The following KIF1A variants were observed in gnomAD, a reference collection of about 807,000 sequenced individuals.
KIF1A encodes the protein kinesin-like protein KIF1A.
Under a neutral mutation model 227.3 loss-of-function variants are expected in KIF1A, and 46 were observed. The ratio of observed to expected loss-of-function variants is 0.20; its 90% CI spans 0.16 to 0.26. KIF1A has a LOEUF of 0.26. KIF1A is among the 10% of genes least tolerant of loss of function. KIF1A has a pLI of 1.00. For missense variants in KIF1A, 1,683 were observed against 2,485.9 expected, an observed-to-expected ratio of 0.68 and a Z score of 6.87; for synonymous variants, 1,022 against 1,012.8, an observed-to-expected ratio of 1.01 and a Z score of -0.17.
At chr2:240,749,109 G>C (rs1350815164) in intron 28 of KIF1A, among the ~76,000 whole-genome samples, 2 of 149,586 alleles carry the variant, frequency 1.3e-5, no homozygotes, top group African/African-American at 5.0e-5. Flanking sequence ...CCTGGCGACA[G>C]AGCAAGACTT....
intron 37 of KIF1A, among the ~76,000 whole-genome samples, chr2:240,738,222 C>T (rs998157276): frequency 1.3e-5 from 2 of 152,222 alleles, no homozygotes; most frequent in African/African-American, 4.8e-5. Context: ...TGACCAAGTA[C>T]CTGGCCCACA....
intron 14 of KIF1A, 44 bp from the exon 15 acceptor site, chr2:240,771,148 G>A (rs558858825): frequency 1.9e-6 from 3 of 1,611,826 alleles, no homozygotes; most frequent in African/African-American, 1.3e-5. Flanking sequence ...TCCCGCCACG[G>A]TTAAGGTTAT....
intron 35 of KIF1A, 40 bp downstream of exon 35, chr2:240,741,229 C>T: frequency 7.1e-7 from 1 of 1,401,564 alleles, no homozygotes. Flanking sequence ...CACCCCCCGA[C>T]ACACACTCAC....
At chr2:240,785,190 C>CT in intron 6 of KIF1A, 90 bp from the exon 7 acceptor site, 1 of 1,040,336 alleles carries the variant, frequency 9.6e-7, no homozygotes, top group Non-Finnish European at 1.4e-6. Context: ...ACCAGGTCAT[C>CT]GGGGGGGGCA....
Position 240,808,506 on chromosome 2 carries a change from A to T in KIF1A, c.-60-10694T>A, listed in dbSNP as rs909026621. Among the ~76,000 whole-genome samples the T allele has an allele frequency of 3.9e-5, 4 of 102,882 alleles. No individual in the cohort carries two copies. In the Admixed American group the frequency reaches 4.4e-4, roughly 11 times the overall value. The allele number at this position is 102,882 out of a possible 152,430, so 67.5% of individuals were successfully genotyped here. ...AGACCCATTTCTAAAACAAAAAAAA[A>T]AAATTTTTTTTTTTTAATTAGCCAG... On this transcript the variant is annotated intron_variant, in intron 1 of 48. Transcript: ENST00000498729.
At position 240,740,148 on chromosome 2, in the gene KIF1A, G is replaced by A. The variant is rs748123503; in HGVS notation, c.3817-6C>T. The A allele has an allele frequency of 2.2e-5, 35 of 1,588,578 alleles. No individual in the cohort carries two copies. The highest frequency in any genetic ancestry group is 4.0e-5 in the African/African-American group (3 of 74,376). ...GTAATCCGTCGCTGGATGCCCTGCC[G>A]GTGCCAGGTGAGAGGATATGGTCAG... On this transcript the variant is annotated splice_polypyrimidine_tract_variant and splice_region_variant and intron_variant, in intron 36 of 48. Coordinates refer to ENST00000498729, the MANE Select transcript of KIF1A (RefSeq NM_001244008.2). This position sits in a 1 kb window ranked among gnomAD's most constrained non-coding sequence, Gnocchi z 6.1.
chr2:240,767,565 A>C (rs1348424832), intron 17 of KIF1A, among the ~76,000 whole-genome samples: 1 of 152,206 alleles, frequency 6.6e-6, no homozygotes, highest in African/African-American at 2.4e-5. Context: ...GGCCGGTGGG[A>C]CCCGACCACC....
At chr2:240,773,315 C>A in intron 12 of KIF1A, 59 bp from the exon 13 acceptor site, 1 of 1,602,852 alleles carries the variant, frequency 6.2e-7, no homozygotes, top group South Asian at 1.1e-5. Flanking sequence ...TGGCAGGTCC[C>A]AAGGGTGCCT....
Position 240,778,872 on chromosome 2 carries a change from C to T in KIF1A, c.883-2946G>A, listed in dbSNP as rs1388312712. 3.3e-5 allele frequency among the ~76,000 whole-genome samples: 5 copies of T among 152,172 alleles called. No individual in the cohort carries two copies. The highest frequency in any genetic ancestry group is 1.2e-4 in the African/African-American group (5 of 41,502). On this transcript the variant is annotated intron_variant, in intron 10 of 48. Coordinates refer to ENST00000498729, the MANE Select transcript of KIF1A (RefSeq NM_001244008.2). This position sits in a 1 kb window ranked among gnomAD's most constrained non-coding sequence, Gnocchi z 7.2. ...CACACGTTCCTCACACAACCCTTCA[C>T]GCCATCCCCAATGCGGGTGCACACA...
chr2:240,717,187 T>A lies in KIF1A; in HGVS notation c.*177A>T. The A allele has an allele frequency of 1.8e-6, 1 of 571,336 alleles. No individual in the cohort carries two copies. The highest frequency in any genetic ancestry group is 3.1e-6 in the Non-Finnish European group (1 of 321,526). 35.4% of individuals were successfully genotyped at this position (571,336 alleles called of 1,614,324 possible). On this transcript the variant is annotated 3_prime_UTR_variant, in exon 49 of 49. Transcript: ENST00000498729. ...AAGAACTGACACGCACAGCCTCTGC[T>A]GGGAGCACAGCTGGTCGTGTGGCAC...
chr2:240,791,900 C>T (rs1238146856), intron 2 of KIF1A, among the ~76,000 whole-genome samples: 1 of 151,728 alleles, frequency 6.6e-6, no homozygotes, highest in Non-Finnish European at 1.5e-5. Flanking sequence ...CCATCCCACC[C>T]TGGCCCTGCC....
chr2:240,794,159 C>T (rs2056088937), intron 2 of KIF1A, among the ~76,000 whole-genome samples: 1 of 152,204 alleles, frequency 6.6e-6, no homozygotes, highest in Non-Finnish European at 1.5e-5. Context: ...CCCATGACCC[C>T]CTTCCTCCGT....
At position 240,720,980 on chromosome 2, in the gene KIF1A, G is replaced by C. The variant is rs1280031550; in HGVS notation, c.4802C>G (p.Ala1601Gly). The change falls in exon 45 of 49, where the codon GCC (alanine) becomes GGC (glycine). Residue 1601 changes from alanine (A) to glycine (G), a missense_variant. Around this residue, in one of 12 missense-constraint regions of KIF1A, gnomAD observed 384 missense variants for 410.1 expected, o/e 0.94. Coordinates refer to ENST00000498729, the MANE Select transcript of KIF1A (RefSeq NM_001244008.2). Reference protein sequence around the residue: ...RDPSMSPLGVATLTPSSTCPS... With the variant: ...RDPSMSPLGVGTLTPSSTCPS... ...GCAAGTGGAGGAGGGGGTGAGAGTG[G>C]CCACCCCTAGAGGGGACATCGACGG... 3 of 1,607,864 alleles carry C rather than the reference G, an allele frequency of 1.9e-6. No homozygotes were observed. In the South Asian group the frequency reaches 3.3e-5, roughly 18 times the overall value.
rs116319306 is a variant in KIF1A, at chr2:240,789,192, T to C, written c.183+44A>G. ...GGGACCCCGAGGGCCACATGGCCTA[T>C]GCACTGCTGCCCCCGCCTCCCCCGA... On this transcript the variant is annotated intron_variant, in intron 3 of 48. Coordinates refer to ENST00000498729, the MANE Select transcript of KIF1A (RefSeq NM_001244008.2). This position sits in a 1 kb window ranked among gnomAD's most constrained non-coding sequence, Gnocchi z 4.8. 2.9e-3 allele frequency: 4,302 copies of C among 1,497,712 alleles called. 66 individuals are homozygous for C. In the African/African-American group the frequency reaches 0.045, roughly 16 times the overall value. The allele number at this position is 1,497,712 out of a possible 1,614,324, so 92.8% of individuals were successfully genotyped here. A position where few individuals can be genotyped will look rare whatever the true frequency, so the allele number is the denominator to read the frequency against.
At position 240,766,888 on chromosome 2, in the gene KIF1A, C is replaced by T. The variant is rs184996346; in HGVS notation, c.1684+27G>A. 2.9e-3 allele frequency: 4,301 copies of T among 1,502,508 alleles called. 14 individuals carry two copies. Among genetic ancestry groups the T allele is most frequent in the Non-Finnish European group, 3.4e-3 (3,672 of 1,091,904 alleles). The allele number at this position is 1,502,508 out of a possible 1,614,324, so 93.1% of individuals were successfully genotyped here. A position where few individuals can be genotyped will look rare whatever the true frequency, so the allele number is the denominator to read the frequency against. On this transcript the variant is annotated intron_variant, in intron 19 of 48. Transcript: ENST00000498729. The surrounding 1 kb of genome is among the most constrained non-coding windows in gnomAD (Gnocchi z 5.0). The stretch of plus-strand genomic sequence containing the variant: ...TCATCACGGCACAGGGGCATGGGTG[C>T]GGGTAGGGACGGTAGGGTGGTGATA...
Position 240,725,256 on chromosome 2 carries a change from C to T in KIF1A, c.4256+15G>A, listed in dbSNP as rs775287388. 1 of 1,588,428 alleles carries T rather than the reference C, an allele frequency of 6.3e-7. No homozygotes were observed. Among genetic ancestry groups the T allele is most frequent in the South Asian group, 1.1e-5 (1 of 87,478 alleles). On this transcript the variant is annotated intron_variant, in intron 40 of 48. Coordinates refer to ENST00000498729, the MANE Select transcript of KIF1A (RefSeq NM_001244008.2). This position sits in a 1 kb window ranked among gnomAD's most constrained non-coding sequence, Gnocchi z 5.8. ...AGGGTGGGAGTCCATGTGGTCCTCACCCCTGGGAGCTTACCTCTCTGAGGC... is the reference window on the plus strand; with the variant it reads ...AGGGTGGGAGTCCATGTGGTCCTCATCCCTGGGAGCTTACCTCTCTGAGGC...
At chr2:240,744,302 C>T (rs1324872880) in intron 32 of KIF1A, among the ~76,000 whole-genome samples, 1 of 152,112 alleles carries the variant, frequency 6.6e-6, no homozygotes, top group East Asian at 1.9e-4. Flanking sequence ...GAACAGGGGC[C>T]GCGTGGCTCA....
intron 41 of KIF1A, 59 bp from the exon 42 acceptor site, chr2:240,723,617 A>G: frequency 6.8e-7 from 1 of 1,476,300 alleles, no homozygotes; most frequent in Non-Finnish European, 9.1e-7. Flanking sequence ...CCTCCCACCC[A>G]TCCTAGAGGT....
chr2:240,734,414 C>T (rs989506841), intron 38 of KIF1A, among the ~76,000 whole-genome samples: 1 of 152,044 alleles, frequency 6.6e-6, no homozygotes, highest in Non-Finnish European at 1.5e-5. Flanking sequence ...GCAGGAGGAG[C>T]AGGAGGCCAG....
Sources: gnomAD v4.1 joint callset for allele counts (sites outside exome capture counted in the v4.1 genomes callset) on GRCh38, gnomAD v4.1.1 for gene constraint, gnomAD v4.1.1 regional missense constraint, Gnocchi (gnomAD v3.1) non-coding constraint, MANE v1.5 for transcripts, NCBI Gene and HGNC (gene_info 2026-07-23, HGNC 2026-07-21) for gene names.